CUX1: variants seen among roughly 807,000 people sequenced by gnomAD.
CUX1 encodes the protein cut like homeobox 1, also known as protein CASP.
CUX1 carries 31 observed loss-of-function variants against 158.8 expected under a neutral mutation model. The observed-to-expected ratio is 0.20, with a 90% CI of 0.15 to 0.26. CUX1 has a LOEUF of 0.26. Ranked by LOEUF, CUX1 falls within the 10% of genes least tolerant of loss-of-function variation. CUX1 has a pLI of 1.00. For missense variants in CUX1, 1,589 were observed against 2,014.6 expected (o/e 0.79, Z 4.04); for synonymous variants, 879 against 862.1 (o/e 1.02, Z -0.34).
rs535659383 is a variant in CUX1 at position 102,088,748 on chromosome 7, A to T, written c.269-8616A>T. 5.1e-4 allele frequency among the ~76,000 whole-genome samples: 77 copies of T among 152,246 alleles called. 1 individual carries two copies. Among genetic ancestry groups the T allele is most frequent in the Middle Eastern group, 6.8e-3 (2 of 294 alleles). ...AGGCGATCTCCAGTAATTCATATAT[A>T]TTTTTTTAACCTATATACAATTAAT... On this transcript the variant is annotated intron_variant, in intron 4 of 23. Coordinates refer to ENST00000292535, the MANE Select transcript of CUX1 (RefSeq NM_181552.4).
intron 3 of CUX1, among the ~76,000 whole-genome samples, chr7:102,060,941 G>T (rs141522803): frequency 0.011 from 1,091 of 102,262 alleles, 21 homozygotes; most frequent in African/African-American, 0.045. Flanking sequence ...TTTGGAGACA[G>T]ACTCTCACTG....
chr7:102,122,722 G>A (rs1554493851), intron 8 of CUX1, among the ~76,000 whole-genome samples: 1 of 152,120 alleles, frequency 6.6e-6, no homozygotes, highest in African/African-American at 2.4e-5. Flanking sequence ...AAATGTAATT[G>A]ACATGTAATA....
chr7:101,979,971 G>A (rs1168523151), intron 2 of CUX1, among the ~76,000 whole-genome samples: 3 of 152,042 alleles, frequency 2.0e-5, no homozygotes, highest in Non-Finnish European at 4.4e-5. Flanking sequence ...TTATTTCTTC[G>A]TCTGTTATTC....
chr7:101,951,708 C>T (rs1459813970), intron 2 of CUX1, among the ~76,000 whole-genome samples: 2 of 152,094 alleles, frequency 1.3e-5, no homozygotes, highest in Non-Finnish European at 2.9e-5. Flanking sequence ...AGGGTTTCAC[C>T]GTGTTAGCCA....
At chr7:101,957,064 C>A (rs189553311) in intron 2 of CUX1, among the ~76,000 whole-genome samples, 1 of 152,214 alleles carries the variant, frequency 6.6e-6, no homozygotes, top group East Asian at 1.9e-4. Context: ...TATAGAGGAA[C>A]GGCTAAATGA....
chr7:102,247,968 T>C (rs1800995325), intron 23 of CUX1, among the ~76,000 whole-genome samples: 1 of 152,078 alleles, frequency 6.6e-6, no homozygotes, highest in Non-Finnish European at 1.5e-5. Context: ...CCATCTCTTC[T>C]AAAAATGCAA....
chr7:101,957,170 GAATTA>G (rs1224478104), intron 2 of CUX1, among the ~76,000 whole-genome samples: 4 of 152,046 alleles, frequency 2.6e-5, no homozygotes, highest in Non-Finnish European at 5.9e-5. Context: ...CCTAAAGTAA[GAATTA>G]AAGATGCTGT....
Position 102,248,816 on chromosome 7 carries a change from G to T in CUX1, c.4292G>T (p.Gly1431Val). ...ATSAAAAPGE[G>V]PAAPSSAPPP... ...TCAGCCGCCGCCGCGCCGGGGGAGG[G>T]CCCCGCGGCCCCGAGCTCCGCGCCG... The change falls in exon 24 of 24, where the codon GGC (glycine) becomes GTC (valine). Residue 1431 changes from glycine to valine, a missense_variant. By Grantham distance (109) the Gly-to-Val change is moderately radical (BLOSUM62 -3). This residue lies in a region of CUX1 where 344 missense variants were observed against 323.7 expected (regional missense o/e 1.06). Transcript: ENST00000292535. This position sits in a 1 kb window ranked among gnomAD's most constrained non-coding sequence, Gnocchi z 5.8. The T allele has an allele frequency of 8.8e-7, 1 of 1,131,092 alleles. No individual in the cohort carries two copies. Among genetic ancestry groups the T allele is most frequent in the African/African-American group, 1.7e-5 (1 of 59,522 alleles). 70.1% of individuals were successfully genotyped at this position (1,131,092 alleles called of 1,614,324 possible).
At chr7:101,848,832 C>G (rs1399181086) in intron 1 of CUX1, among the ~76,000 whole-genome samples, 2 of 149,880 alleles carry the variant, frequency 1.3e-5, no homozygotes, top group Non-Finnish European at 3.0e-5. Context: ...GGCAACATAG[C>G]AAGACCCCCT....
chr7:102,062,096 G>C (rs1340032430), intron 3 of CUX1, among the ~76,000 whole-genome samples: 1 of 152,176 alleles, frequency 6.6e-6, no homozygotes, highest in Non-Finnish European at 1.5e-5. Flanking sequence ...GCAGCAGAGG[G>C]AGGGAGCACA....
chr7:102,216,883 TCTCACA>T, intron 20 of CUX1, among the ~76,000 whole-genome samples: 1 of 51,358 alleles, frequency 1.9e-5, no homozygotes, highest in South Asian at 8.9e-4. Context: ...ACACACATTA[TCTCACA>T]CACACACACA....
chr7:102,030,359 C>T (rs1016438872), intron 3 of CUX1, among the ~76,000 whole-genome samples: 4 of 152,250 alleles, frequency 2.6e-5, no homozygotes, highest in Non-Finnish European at 4.4e-5. Context: ...CATTTCACCC[C>T]ATGTACCTCC....
intron 2 of CUX1, among the ~76,000 whole-genome samples, chr7:101,955,105 C>T (rs946061142): frequency 6.6e-6 from 1 of 151,062 alleles, no homozygotes; most frequent in Non-Finnish European, 1.5e-5. Context: ...GCGGAGGTTG[C>T]AGTGAGCTGA....
At chr7:101,886,909 G>T (rs1342278873) in intron 1 of CUX1, among the ~76,000 whole-genome samples, 1 of 152,172 alleles carries the variant, frequency 6.6e-6, no homozygotes, top group African/African-American at 2.4e-5. Context: ...GGTAGATGCT[G>T]CTTCACCAGC....
chr7:101,914,055 C>CT (rs75163624), intron 1 of CUX1, among the ~76,000 whole-genome samples: 79 of 144,980 alleles, frequency 5.4e-4, no homozygotes, highest in Non-Finnish European at 6.2e-4. Flanking sequence ...TTCGGTTGCT[C>CT]TTTTTTTTTT....
intron 9 of CUX1, among the ~76,000 whole-genome samples, chr7:102,168,931 TTATTTTC>T (rs782415654): frequency 0.075 from 7,848 of 105,228 alleles, 543 homozygotes; most frequent in African/African-American, 0.13. Context: ...TTCTTTTCTT[TTATTTTC>T]TTTTTTTTTT....
chr7:101,973,779 T>G (rs1405845259), intron 2 of CUX1, among the ~76,000 whole-genome samples: 4 of 150,632 alleles, frequency 2.7e-5, no homozygotes, highest in Non-Finnish European at 4.4e-5. Context: ...TCTTTTTTTT[T>G]TTTTTTTGAG....
intron 15 of CUX1, among the ~76,000 whole-genome samples, chr7:102,273,922 G>A (rs1791413850): frequency 6.6e-6 from 1 of 152,252 alleles, no homozygotes; most frequent in African/African-American, 2.4e-5. Flanking sequence ...AGAAGTCTGG[G>A]CTGTCCCAGG....
intron 10 of CUX1, among the ~76,000 whole-genome samples, chr7:102,171,940 C>T (rs1392177248): frequency 1.3e-5 from 2 of 152,200 alleles, no homozygotes; most frequent in Non-Finnish European, 2.9e-5. Context: ...TTGCCGTATG[C>T]TAGGGCTTGT....
Sources: allele counts gnomAD v4.1 joint callset (sites outside exome capture counted in the v4.1 genomes callset), GRCh38; gene constraint gnomAD v4.1.1; regional missense constraint gnomAD v4.1.1; non-coding constraint Gnocchi (gnomAD v3.1); transcripts MANE v1.5; gene names NCBI Gene and HGNC (gene_info 2026-07-23, HGNC 2026-07-21).